Variants in PCDH11X observed in about 807,000 individuals in gnomAD.
The protein encoded by PCDH11X is protocadherin 11 X-linked, also known as protocadherin-11 X-linked.
In PCDH11X, 18 loss-of-function variants were observed where a neutral mutation model predicts 53.3. The observed-to-expected ratio is 0.34, with a 90% CI of 0.23 to 0.50. The LOEUF (loss-of-function observed/expected upper bound fraction) is 0.50. Ranked by LOEUF, PCDH11X falls within the 20% of genes least tolerant of loss-of-function variation. PCDH11X has a pLI of 0.98. For synonymous variants in PCDH11X, 279 were observed against 393.3 expected (o/e 0.71, Z 3.44); for missense variants, 570 against 1,032.4 (o/e 0.55, Z 6.14).
intron 10 of PCDH11X, among the ~76,000 whole-genome samples, chrX:92,553,654 G>C (rs1349180994): frequency 9.1e-6 from 1 of 109,615 alleles, no homozygotes; most frequent in Non-Finnish European, 1.9e-5. Flanking sequence ...CGCATCATTA[G>C]ATTGTTTATT....
chrX:91,965,579 G>A (rs2061851418), intron 6 of PCDH11X, among the ~76,000 whole-genome samples: 1 of 106,117 alleles, frequency 9.4e-6, no homozygotes, highest in Admixed American at 1.0e-4. Flanking sequence ...GACCAATTAA[G>A]AGACTTGACA....
intron 6 of PCDH11X, among the ~76,000 whole-genome samples, chrX:92,037,772 A>G (rs1290552910): frequency 9.0e-6 from 1 of 110,837 alleles, no homozygotes. Flanking sequence ...TGTGGTTTCA[A>G]TTTGTATTTC....
chrX:92,216,226 A>G (rs1263193667), intron 7 of PCDH11X, among the ~76,000 whole-genome samples: 1 of 111,006 alleles, frequency 9.0e-6, no homozygotes, highest in Non-Finnish European at 1.9e-5. Flanking sequence ...ACGAGCTGAG[A>G]GAAGGCTTCA....
intron 9 of PCDH11X, among the ~76,000 whole-genome samples, chrX:92,462,416 A>G (rs2073067823): frequency 9.0e-6 from 1 of 111,361 alleles, no homozygotes; most frequent in Non-Finnish European, 1.9e-5. Flanking sequence ...TACACCACCA[A>G]GTCCCATTTA....
At chrX:92,301,989 T>C (rs780900574) in intron 8 of PCDH11X, among the ~76,000 whole-genome samples, 1 of 111,568 alleles carries the variant, frequency 9.0e-6, no homozygotes, top group Non-Finnish European at 1.9e-5. Flanking sequence ...GGTAGTAGCT[T>C]CAGCCATTCT....
intron 6 of PCDH11X, among the ~76,000 whole-genome samples, chrX:91,904,108 A>G (rs1290472985): frequency 1.2e-4 from 13 of 111,146 alleles, no homozygotes; most frequent in Non-Finnish European, 2.3e-4. Context: ...GTGGGACTAA[A>G]GGGTGAGAAG....
chrX:91,996,106 G>T (rs1422670674), intron 6 of PCDH11X, among the ~76,000 whole-genome samples: 1 of 99,800 alleles, frequency 1.0e-5, no homozygotes, highest in Non-Finnish European at 2.0e-5. Context: ...CTCCCAAAGT[G>T]CTGGGATTAC....
In PCDH11X at chrX:91,825,620, A is replaced by G. The variant is rs376140855; in HGVS notation, c.-44-9841A>G. ...AACCCAGTACCTCAGATGGAAATGC[A>G]GAAATCACCTGTCTTCTGCGTCGCT... On this transcript the variant is annotated intron_variant, in intron 4 of 10. Transcript: ENST00000682573. Among the ~76,000 whole-genome samples, 16 of 110,514 alleles carry G rather than the reference A, an allele frequency of 1.4e-4. No homozygotes were observed. The East Asian group carries it at 4.0e-3, about 28-fold the overall frequency.
At chrX:92,292,716 A>G (rs2068517261) in intron 8 of PCDH11X, among the ~76,000 whole-genome samples, 1 of 112,205 alleles carries the variant, frequency 8.9e-6, no homozygotes, top group African/African-American at 3.2e-5. Flanking sequence ...AATCGCACAC[A>G]GTTACTATTG....
intron 8 of PCDH11X, among the ~76,000 whole-genome samples, chrX:92,361,896 C>A (rs886562911): frequency 9.0e-6 from 1 of 110,769 alleles, no homozygotes; most frequent in Non-Finnish European, 1.9e-5. Flanking sequence ...TTCTTGTTAC[C>A]GTGTATAAGT....
intron 6 of PCDH11X, among the ~76,000 whole-genome samples, chrX:91,966,455 G>T (rs1453225780): frequency 9.2e-6 from 1 of 108,118 alleles, no homozygotes; most frequent in Non-Finnish European, 1.9e-5. Context: ...CAATGAGAAC[G>T]CATGGACACA....
chrX:92,071,967 A>C (rs1364940783), intron 6 of PCDH11X, among the ~76,000 whole-genome samples: 1 of 111,031 alleles, frequency 9.0e-6, no homozygotes, highest in Non-Finnish European at 1.9e-5. Context: ...GCCAGGGATT[A>C]TTCTATTCTA....
At chrX:92,601,641 A>G (rs1490756898) in intron 10 of PCDH11X, among the ~76,000 whole-genome samples, 4 of 111,505 alleles carry the variant, frequency 3.6e-5, no homozygotes, top group Non-Finnish European at 7.5e-5. Flanking sequence ...ACAGCAGCCA[A>G]AAGTTGGAAG....
rs750331340 is a variant in PCDH11X, at chrX:92,472,370, C to CTTTTTT, written c.3367+4064_3367+4069dup. On this transcript the variant is annotated intron_variant, in intron 10 of 10. Transcript: ENST00000682573. ...TGAATAGAAAATCCTTTCTTCAGAG[C>CTTTTTT]TTTTTTTTTTTTTTTTTTTTTGGTC... 7.0e-4 allele frequency among the ~76,000 whole-genome samples: 37 copies of CTTTTTT among 52,498 alleles called. 1 individual carries two copies. Among genetic ancestry groups the CTTTTTT allele is most frequent in the Non-Finnish European group, 1.0e-3 (30 of 30,028 alleles). 45.6% of individuals were successfully genotyped at this position (52,498 alleles called of 115,157 possible).
At position 91,984,656 on chromosome X, in the gene PCDH11X, G is replaced by A. The variant is rs1036929460; in HGVS notation, c.3033+105383G>A. On this transcript the variant is annotated intron_variant, in intron 6 of 10. Coordinates refer to ENST00000682573, the MANE Select transcript of PCDH11X (RefSeq NM_032968.5). ...CTTTAATATTTTACTTTAGGTATCCGTGGATCATGTGAGTAGTATAAATTC... is the reference window on the plus strand; with the variant it reads ...CTTTAATATTTTACTTTAGGTATCCATGGATCATGTGAGTAGTATAAATTC... Among the ~76,000 whole-genome samples, 6 of 111,045 alleles carry A rather than the reference G, an allele frequency of 5.4e-5. No homozygotes were observed. In the Admixed American group the frequency reaches 5.8e-4, roughly 11 times the overall value.
At chrX:91,891,574 C>T (rs1349428895) in intron 6 of PCDH11X, among the ~76,000 whole-genome samples, 27 of 101,597 alleles carry the variant, frequency 2.7e-4, no homozygotes, top group South Asian at 4.6e-4. Context: ...TAGTTTCGTG[C>T]GTTTTATTGT....
intron 6 of PCDH11X, among the ~76,000 whole-genome samples, chrX:92,099,036 A>T (rs1237838257): frequency 8.9e-6 from 1 of 112,132 alleles, no homozygotes; most frequent in Admixed American, 9.5e-5. Flanking sequence ...TGGCCACATC[A>T]AGCATGTTTA....
At chrX:92,232,162 AG>A (rs1452154168) in intron 7 of PCDH11X, among the ~76,000 whole-genome samples, 1 of 112,047 alleles carries the variant, frequency 8.9e-6, no homozygotes, top group South Asian at 3.7e-4. Context: ...TTTGATAAAA[AG>A]TTTCTCTGTT....
intron 6 of PCDH11X, among the ~76,000 whole-genome samples, chrX:92,100,767 G>T (rs867878973): frequency 0.036 from 3,996 of 110,215 alleles, 200 homozygotes; most frequent in African/African-American, 0.13. Context: ...TGGGGGGGTG[G>T]TATGGAGAGA....
Sources: allele counts gnomAD v4.1 joint callset (sites outside exome capture counted in the v4.1 genomes callset), GRCh38; gene constraint gnomAD v4.1.1; transcripts MANE v1.5; gene names NCBI Gene and HGNC (gene_info 2026-07-23, HGNC 2026-07-21).